MCU: variants seen among roughly 807,000 people sequenced by gnomAD.
The protein encoded by MCU is mitochondrial calcium uniporter, also known as calcium uniporter protein, mitochondrial.
In MCU, 12 loss-of-function variants were observed where a neutral mutation model predicts 45.2. The observed-to-expected ratio is 0.27, with a 90% CI of 0.17 to 0.43. The LOEUF (loss-of-function observed/expected upper bound fraction) is 0.43, where lower values mean the gene tolerates loss of function less well. MCU is among the 20% of genes least tolerant of loss of function. The pLI is 1.00. For missense variants in MCU, 324 were observed against 436.7 expected, an observed-to-expected ratio of 0.74 and a Z score of 2.30; for synonymous variants, 160 against 165.1, an observed-to-expected ratio of 0.97 and a Z score of 0.24.
At chr10:72,850,747 A>G (rs1845196216) in intron 2 of MCU, among the ~76,000 whole-genome samples, 1 of 152,158 alleles carries the variant, frequency 6.6e-6, no homozygotes, top group Non-Finnish European at 1.5e-5. Context: ...CTAAGTATTC[A>G]TGTTGAATGC....
intron 1 of MCU, among the ~76,000 whole-genome samples, chr10:72,785,653 A>G (rs1844061020): frequency 6.6e-6 from 1 of 152,172 alleles, no homozygotes; most frequent in Admixed American, 6.5e-5. Context: ...CTGCTGGCTC[A>G]TTTCATGGAA....
Position 72,859,284 on chromosome 10 carries a change from G to A in MCU, c.328G>A (p.Val110Ile), listed in dbSNP as rs1465574341. The change falls in exon 3 of 8, where the codon GTA becomes ATA. Residue 110 changes from valine to isoleucine, a missense_variant. Coordinates refer to ENST00000373053, the MANE Select transcript of MCU (RefSeq NM_138357.3). ...CAAGCCTATCTCTGACTCTGTTGGT[G>A]TATTTTTACGACAACTGCAAGAAGA... ...TLKPISDSVG[V>I]FLRQLQEEDR... 2 of 1,613,916 alleles carry A rather than the reference G, an allele frequency of 1.2e-6. No homozygotes were observed. Among genetic ancestry groups the A allele is most frequent in the Non-Finnish European group, 1.7e-6 (2 of 1,179,956 alleles).
In MCU at chr10:72,764,081, T is replaced by C. The variant is rs367849596; in HGVS notation, c.151-70278T>C. ...ATATTTTCCCTTCTTAGGAGCTGAC[T>C]TTATTTCCTTTAGCATCCCCTTCAC... On this transcript the variant is annotated intron_variant, in intron 1 of 7. Transcript: ENST00000373053. Among the ~76,000 whole-genome samples the C allele has an allele frequency of 9.2e-5, 14 of 152,326 alleles. No individual in the cohort carries two copies. In the East Asian group the frequency reaches 1.9e-3, roughly 21 times the overall value.
chr10:72,872,916 T>G (rs569642682), intron 6 of MCU, among the ~76,000 whole-genome samples: 41 of 152,168 alleles, frequency 2.7e-4, no homozygotes, highest in Admixed American at 7.9e-4. Flanking sequence ...GCATTTGATA[T>G]TCTTTTTCTT....
intron 1 of MCU, among the ~76,000 whole-genome samples, chr10:72,820,429 G>T (rs1844693456): frequency 6.6e-6 from 1 of 151,760 alleles, no homozygotes; most frequent in Non-Finnish European, 1.5e-5. Context: ...ACATTTAGGT[G>T]ATTATTTGTC....
intron 1 of MCU, among the ~76,000 whole-genome samples, chr10:72,709,332 T>C (rs1390574758): frequency 1.3e-5 from 2 of 152,170 alleles, no homozygotes; most frequent in African/African-American, 4.8e-5. Flanking sequence ...TTTAAAACAA[T>C]ACAGATGTCA....
At chr10:72,880,614 G>C (rs974793679) in intron 6 of MCU, among the ~76,000 whole-genome samples, 20 of 152,120 alleles carry the variant, frequency 1.3e-4, no homozygotes, top group Non-Finnish European at 2.8e-4. Context: ...TTGGGGATTG[G>C]GGAAGAGATT....
intron 4 of MCU, among the ~76,000 whole-genome samples, chr10:72,861,213 A>T (rs747196195): frequency 8.0e-4 from 122 of 151,976 alleles, no homozygotes; most frequent in Middle Eastern, 6.8e-3. Context: ...TTTTGTAGAG[A>T]TGAAGTCTCA....
chr10:72,828,054 A>G (rs143197212), intron 1 of MCU, among the ~76,000 whole-genome samples: 1 of 152,346 alleles, frequency 6.6e-6, no homozygotes, highest in East Asian at 1.9e-4. Context: ...CATTAGACCA[A>G]CTGAAATAGT....
chr10:72,739,386 T>C (rs1223569737), intron 1 of MCU, among the ~76,000 whole-genome samples: 2 of 152,260 alleles, frequency 1.3e-5, no homozygotes, highest in Admixed American at 6.5e-5. Context: ...TTAAAAATCC[T>C]GTATTGGGAA....
At chr10:72,754,949 A>G (rs1001513601) in intron 1 of MCU, among the ~76,000 whole-genome samples, 2 of 152,226 alleles carry the variant, frequency 1.3e-5, no homozygotes, top group Non-Finnish European at 2.9e-5. Context: ...ATAACCTCAC[A>G]TATTTCATAA....
Position 72,725,369 on chromosome 10 carries a change from G to A in MCU, c.150+33068G>A, listed in dbSNP as rs900099260. ...CCTCGATCTCCTGACCTTGTGATCC[G>A]CTTGCCTCAGCATCCCAAAGTGCTG... On this transcript the variant is annotated intron_variant, in intron 1 of 7. Coordinates refer to ENST00000373053, the MANE Select transcript of MCU (RefSeq NM_138357.3). 4.0e-5 allele frequency among the ~76,000 whole-genome samples: 6 copies of A among 151,868 alleles called. No individual in the cohort carries two copies. In the East Asian group the frequency reaches 5.8e-4, roughly 15 times the overall value.
rs564679166 is a variant in MCU, at chr10:72,793,659, C to T, written c.151-40700C>T. Among the ~76,000 whole-genome samples the T allele has an allele frequency of 1.3e-4, 20 of 152,062 alleles. No individual in the cohort carries two copies. The South Asian group carries it at 1.5e-3, about 11-fold the overall frequency. On this transcript the variant is annotated intron_variant, in intron 1 of 7. Transcript: ENST00000373053. ...TGGTACTTCCTCACACAGATCTAAC[C>T]GAGGCTGACTATATTAGCTGGGCCC...
At chr10:72,826,105 T>C (rs1329578121) in intron 1 of MCU, among the ~76,000 whole-genome samples, 1 of 722 alleles carries the variant, frequency 1.4e-3, no homozygotes, top group African/African-American at 0.01. Context: ...CAAACTTTAA[T>C]GTTGCATGTG....
chr10:72,759,392 G>A (rs957953296), intron 1 of MCU, among the ~76,000 whole-genome samples: 2 of 152,252 alleles, frequency 1.3e-5, no homozygotes, highest in African/African-American at 2.4e-5. Context: ...TAACATAACC[G>A]ATTAGGTCGG....
chr10:72,815,494 G>C (rs1010016226), intron 1 of MCU, among the ~76,000 whole-genome samples: 2 of 152,166 alleles, frequency 1.3e-5, no homozygotes, highest in African/African-American at 4.8e-5. Context: ...TAAAGAATTT[G>C]GTGGACATGT....
At chr10:72,746,177 T>C (rs1348638147) in intron 1 of MCU, among the ~76,000 whole-genome samples, 1 of 152,214 alleles carries the variant, frequency 6.6e-6, no homozygotes, top group Non-Finnish European at 1.5e-5. Context: ...TGGAAAACTA[T>C]AGTTATAGTA....
At chr10:72,875,515 A>G (rs1277815439) in intron 6 of MCU, among the ~76,000 whole-genome samples, 2 of 152,222 alleles carry the variant, frequency 1.3e-5, no homozygotes, top group African/African-American at 2.4e-5. Context: ...ATGAATAGGA[A>G]AACAGTGACC....
chr10:72,861,422 G>A (rs1368692205), intron 4 of MCU, among the ~76,000 whole-genome samples: 1 of 151,706 alleles, frequency 6.6e-6, no homozygotes. Context: ...AGAATTGTTG[G>A]GTTTTTTTGT....
Sources: gnomAD v4.1 joint callset for allele counts (sites outside exome capture counted in the v4.1 genomes callset) on GRCh38, gnomAD v4.1.1 for gene constraint, MANE v1.5 for transcripts, NCBI Gene and HGNC (gene_info 2026-07-23, HGNC 2026-07-21) for gene names.